The following RHBDD1 variants were observed in gnomAD, a reference collection of about 807,000 sequenced individuals.
The protein encoded by RHBDD1 is rhomboid domain containing 1, also known as rhomboid-related protein 4.
In RHBDD1, 38 loss-of-function variants were observed where a neutral mutation model predicts 36.3. The observed-to-expected ratio is 1.05, with a 90% CI of 0.81 to 1.37. RHBDD1 has a LOEUF of 1.37. Among genes scored for constraint, RHBDD1 ranks in the 40% most tolerant of loss-of-function variants. The pLI, the probability that RHBDD1 is intolerant of heterozygous loss-of-function variation, is 0.00. For missense variants in RHBDD1, 393 were observed against 377.6 expected, an observed-to-expected ratio of 1.04 and a Z score of -0.34; for synonymous variants, 151 against 136.5, an observed-to-expected ratio of 1.11 and a Z score of -0.74.
the RHBDD1 span, among the ~76,000 whole-genome samples, chr2:226,823,869 G>A: frequency 6.6e-6 from 1 of 152,098 alleles, no homozygotes; most frequent in Non-Finnish European, 1.5e-5. Context: ...ACGGCAAGAT[G>A]GGGCTGAGCT....
At chr2:226,835,200 C>T (rs964935776), upstream of RHBDD1, among the ~76,000 whole-genome samples, 4 of 152,186 alleles carry the variant, frequency 2.6e-5, no homozygotes, top group Non-Finnish European at 5.9e-5. Flanking sequence ...CGTGAGTTAC[C>T]GCGCCCGGCT....
At chr2:226,864,319 G>C (rs1944128239) in intron 3 of RHBDD1, among the ~76,000 whole-genome samples, 1 of 152,228 alleles carries the variant, frequency 6.6e-6, no homozygotes, top group East Asian at 1.9e-4. Flanking sequence ...TTACATGTTT[G>C]TTTGGGAAGT....
intron 8 of RHBDD1, 133 bp downstream of exon 8, chr2:226,914,484 G>C: frequency 9.9e-7 from 1 of 1,008,458 alleles, no homozygotes; most frequent in South Asian, 1.8e-5. Context: ...ACTGTGTGCA[G>C]ATTGTGATTA....
chr2:226,863,349 AATAC>A (rs1229589457), intron 3 of RHBDD1, among the ~76,000 whole-genome samples: 5 of 152,194 alleles, frequency 3.3e-5, no homozygotes, highest in African/African-American at 1.2e-4. Flanking sequence ...TAAATAAATA[AATAC>A]ATTCATTCAT....
intron 4 of RHBDD1, among the ~76,000 whole-genome samples, chr2:226,865,925 G>A (rs1339517230): frequency 2.0e-5 from 3 of 152,160 alleles, no homozygotes; most frequent in African/African-American, 7.2e-5. Context: ...GATGCCTCTG[G>A]ATGACTTCGT....
chr2:226,973,958 C>G (rs1246397152), intron 8 of RHBDD1, among the ~76,000 whole-genome samples: 3 of 152,170 alleles, frequency 2.0e-5, no homozygotes, highest in Non-Finnish European at 4.4e-5. Context: ...GAGTGGCTGC[C>G]TCTCTGCAAT....
chr2:226,910,438 C>T (rs1948439171), intron 7 of RHBDD1, among the ~76,000 whole-genome samples: 1 of 152,102 alleles, frequency 6.6e-6, no homozygotes, highest in African/African-American at 2.4e-5. Flanking sequence ...ATATGTATAT[C>T]TTACAAGTAA....
In RHBDD1 at chr2:226,996,857, A is replaced by G. The variant is rs571921729; in HGVS notation, c.*1335A>G. ...TAGTCAAGAAAACAGACTTAAAAAT[A>G]AATACTATGTGTCCATTGAGAAAAT... On this transcript the variant is annotated 3_prime_UTR_variant, in exon 9 of 9. Transcript: ENST00000392062. 2 of 152,396 alleles carry G rather than the reference A, an allele frequency of 1.3e-5. No individual in the cohort carries two copies. Among genetic ancestry groups the G allele is most frequent in the Admixed American group, 1.3e-4 (2 of 15,314 alleles). The allele number at this position is 152,396 out of a possible 1,614,324, so 9.4% of individuals were successfully genotyped here. A position where few individuals can be genotyped will look rare whatever the true frequency, so the allele number is the denominator to read the frequency against.
At chr2:226,852,301 G>A (rs1942887742) in intron 3 of RHBDD1, among the ~76,000 whole-genome samples, 1 of 152,072 alleles carries the variant, frequency 6.6e-6, no homozygotes, top group South Asian at 2.1e-4. Context: ...TTGTTTCGCC[G>A]CAGTAATTTT....
chr2:226,853,821 T>A (rs1395285886), intron 3 of RHBDD1, among the ~76,000 whole-genome samples: 1 of 152,192 alleles, frequency 6.6e-6, no homozygotes. Flanking sequence ...AGGACTGAAA[T>A]TTCAGCATCC....
At chr2:226,870,252 T>C (rs1481935797) in intron 5 of RHBDD1, among the ~76,000 whole-genome samples, 1 of 152,228 alleles carries the variant, frequency 6.6e-6, no homozygotes, top group Non-Finnish European at 1.5e-5. Context: ...AAGTCAGTTT[T>C]AAGGTGTCAT....
At chr2:226,820,243 A>G in the RHBDD1 span, among the ~76,000 whole-genome samples, 1 of 152,226 alleles carries the variant, frequency 6.6e-6, no homozygotes, top group East Asian at 2.0e-4. Context: ...TTAATTAGTG[A>G]CAGTGAATTT....
In RHBDD1 at chr2:226,996,760, A is replaced by G. The variant is rs1161266743; in HGVS notation, c.*1238A>G. On this transcript the variant is annotated 3_prime_UTR_variant, in exon 9 of 9. Transcript: ENST00000392062. ...GCTTTCTTCATTTTTATAATTTTAT[A>G]TTACTGTCTTGGAAGATGTGTTTAT... 1 of 152,194 alleles carries G rather than the reference A, an allele frequency of 6.6e-6. No individual in the cohort carries two copies. Among genetic ancestry groups the G allele is most frequent in the African/African-American group, 2.4e-5 (1 of 41,454 alleles). 9.4% of individuals were successfully genotyped at this position (152,194 alleles called of 1,614,324 possible). A position where few individuals can be genotyped will look rare whatever the true frequency, so the allele number is the denominator to read the frequency against.
At chr2:226,944,486 A>G (rs1950850703) in intron 8 of RHBDD1, among the ~76,000 whole-genome samples, 1 of 152,134 alleles carries the variant, frequency 6.6e-6, no homozygotes, top group Non-Finnish European at 1.5e-5. Context: ...AGACCGCAGG[A>G]GCACTCTCCT....
At position 226,974,822 on chromosome 2, in the gene RHBDD1, T is replaced by C. The variant is rs192178992; in HGVS notation, c.857-20609T>C. 6.6e-5 allele frequency among the ~76,000 whole-genome samples: 10 copies of C among 152,228 alleles called. No homozygotes were observed. In the East Asian group the frequency reaches 1.9e-3, roughly 29 times the overall value. On this transcript the variant is annotated intron_variant, in intron 8 of 8. Transcript: ENST00000392062. Reference sequence around the variant, plus strand: ...GAACCATACAGTGCTCACGGTGTCATCGTATAATTGGAGATCACTCTTTTC... The same window carrying C: ...GAACCATACAGTGCTCACGGTGTCACCGTATAATTGGAGATCACTCTTTTC...
chr2:226,976,295 C>G (rs940053631), intron 8 of RHBDD1, among the ~76,000 whole-genome samples: 2 of 147,564 alleles, frequency 1.4e-5, no homozygotes, highest in African/African-American at 5.1e-5. Context: ...ATGCCCACCC[C>G]CCTGGAGACA....
At chr2:226,852,773 CTTATT>C in intron 3 of RHBDD1, among the ~76,000 whole-genome samples, 1 of 151,728 alleles carries the variant, frequency 6.6e-6, no homozygotes, top group East Asian at 1.9e-4. Context: ...TTTAATTAAT[CTTATT>C]TTATTTTTAG....
chr2:226,988,262 C>T (rs1029399896), intron 8 of RHBDD1: 49 of 1,450,520 alleles, frequency 3.4e-5, no homozygotes, highest in Non-Finnish European at 4.5e-5. Context: ...ATATCAGGGC[C>T]CTGAGGAGGC....
chr2:226,862,020 A>G (rs918937172), intron 3 of RHBDD1, among the ~76,000 whole-genome samples: 4 of 152,222 alleles, frequency 2.6e-5, no homozygotes, highest in Non-Finnish European at 5.9e-5. Context: ...TTGTGTGTGT[A>G]TGCATACACA....
Sources: gnomAD v4.1 joint callset for allele counts (sites outside exome capture counted in the v4.1 genomes callset) on GRCh38, gnomAD v4.1.1 for gene constraint, MANE v1.5 for transcripts, NCBI Gene and HGNC (gene_info 2026-07-23, HGNC 2026-07-21) for gene names.